Variants in TTC28 observed in about 807,000 individuals in gnomAD.
The protein encoded by TTC28 is tetratricopeptide repeat protein 28.
A neutral mutation model predicts 198.0 loss-of-function variants in TTC28; 61 were observed. The observed-to-expected ratio is 0.31, with a 90% CI of 0.25 to 0.38. The LOEUF is 0.38. TTC28 is among the 10% of genes least tolerant of loss of function. TTC28 has a pLI of 1.00. For synonymous variants in TTC28, 1,171 were observed against 1,297.8 expected (o/e 0.90, Z 2.10); for missense variants, 2,678 against 3,164.0 (o/e 0.85, Z 3.69).
intron 2 of TTC28, among the ~76,000 whole-genome samples, chr22:28,396,159 G>A (rs907792861): frequency 2.0e-5 from 3 of 152,174 alleles, no homozygotes; most frequent in Admixed American, 2.0e-4. Flanking sequence ...TGACTTTGGG[G>A]AAATAGAATT....
intron 5 of TTC28, among the ~76,000 whole-genome samples, chr22:28,288,368 C>T (rs1362235948): frequency 1.3e-5 from 2 of 152,134 alleles, no homozygotes; most frequent in Non-Finnish European, 2.9e-5. Flanking sequence ...GCAAAAACTT[C>T]CTAAATCTAA....
At chr22:28,551,250 A>C (rs1397494250) in intron 2 of TTC28, among the ~76,000 whole-genome samples, 1 of 151,894 alleles carries the variant, frequency 6.6e-6, no homozygotes, top group East Asian at 1.9e-4. Flanking sequence ...AATTGTAAAC[A>C]AAAAAAAGTC....
intron 2 of TTC28, among the ~76,000 whole-genome samples, chr22:28,609,263 T>C (rs1351661292): frequency 6.6e-6 from 1 of 152,156 alleles, no homozygotes; most frequent in South Asian, 2.1e-4. Context: ...AAAAAATACA[T>C]AATAAAAAAT....
intron 1 of TTC28, among the ~76,000 whole-genome samples, chr22:28,660,806 G>A (rs2051730810): frequency 6.7e-6 from 1 of 149,884 alleles, no homozygotes; most frequent in Non-Finnish European, 1.5e-5. Context: ...TTACAGGCAT[G>A]AGCCACCGCG....
intron 16 of TTC28, chr22:27,997,522 C>G (rs550226078): frequency 5.3e-5 from 8 of 152,346 alleles, no homozygotes; most frequent in African/African-American, 1.9e-4. Flanking sequence ...ATGACACCAG[C>G]AATATCAGGA....
At chr22:28,532,930 G>C (rs1468916049) in intron 2 of TTC28, among the ~76,000 whole-genome samples, 2 of 152,120 alleles carry the variant, frequency 1.3e-5, no homozygotes, top group Admixed American at 1.3e-4. Context: ...AGCTATTTAT[G>C]ACAACCCACA....
At position 27,983,089 on chromosome 22, in the gene TTC28, G is replaced by A. The variant is rs1472753967; in HGVS notation, c.6578C>T (p.Pro2193Leu). The A allele has an allele frequency of 1.3e-6, 2 of 1,551,634 alleles. No individual in the cohort carries two copies. The highest frequency in any genetic ancestry group is 1.7e-6 in the Non-Finnish European group (2 of 1,147,026). Reference protein sequence around the residue: ...SGGQVSKSNNPEDGVQAPSST... With the variant: ...SGGQVSKSNNLEDGVQAPSST... ...GCTGGGCGCCTGAACGCCGTCTTCA[G>A]GGTTATTACTCTTGCTCACCTGGCC... Residue 2193 changes from proline (P) to leucine (L), a missense_variant, in exon 23 of 23, where the codon CCT becomes CTT. This residue lies in a region of TTC28 where 622 missense variants were observed against 656.0 expected (regional missense o/e 0.95). Coordinates refer to ENST00000397906, the MANE Select transcript of TTC28 (RefSeq NM_001145418.2).
chr22:28,651,910 G>C (rs2051570241), intron 1 of TTC28, among the ~76,000 whole-genome samples: 1 of 151,938 alleles, frequency 6.6e-6, no homozygotes, highest in Admixed American at 6.6e-5. Context: ...CTGGGTCTTG[G>C]CTCTCTGCAA....
chr22:28,163,438 A>G lies in TTC28; in HGVS notation c.1095T>C (p.Ile365=), dbSNP rs1461289455. The G allele has an allele frequency of 3.9e-6, 6 of 1,551,788 alleles. No individual in the cohort carries two copies. The highest frequency in any genetic ancestry group is 5.2e-6 in the Non-Finnish European group (6 of 1,147,016). ...RELGNMGAVY[I]AMGDFENAVQ... ...CAGCATTCTCAAAGTCACCCATGGC[A>G]ATATACACAGCTCCCATGTTGCCAA... The change falls in exon 6 of 23, where the codon ATT becomes ATC. Residue 365 remains isoleucine (I), a synonymous_variant. Coordinates refer to ENST00000397906, the MANE Select transcript of TTC28 (RefSeq NM_001145418.2).
At chr22:28,016,133 C>T (rs1415566079) in intron 13 of TTC28, among the ~76,000 whole-genome samples, 3 of 152,110 alleles carry the variant, frequency 2.0e-5, no homozygotes, top group Admixed American at 6.5e-5. Context: ...AGCAGAGCAG[C>T]AGGACTTGGA....
chr22:27,989,609 G>A (rs1217605946), intron 21 of TTC28, among the ~76,000 whole-genome samples: 1 of 152,024 alleles, frequency 6.6e-6, no homozygotes, highest in Non-Finnish European at 1.5e-5. Flanking sequence ...ACCATGCCCG[G>A]CTAATTTTTT....
intron 2 of TTC28, among the ~76,000 whole-genome samples, chr22:28,433,833 C>T (rs1418327387): frequency 6.6e-6 from 1 of 152,090 alleles, no homozygotes; most frequent in Non-Finnish European, 1.5e-5. Flanking sequence ...GTCAGATACA[C>T]CAAAGCAAAA....
chr22:28,511,350 C>T (rs577587834), intron 2 of TTC28, among the ~76,000 whole-genome samples: 2 of 152,136 alleles, frequency 1.3e-5, no homozygotes, highest in South Asian at 4.2e-4. Flanking sequence ...CAGAAATAAG[C>T]CTGCACACCT....
At chr22:28,180,167 T>C (rs772885965) in intron 5 of TTC28, among the ~76,000 whole-genome samples, 4 of 152,188 alleles carry the variant, frequency 2.6e-5, no homozygotes, top group Admixed American at 1.3e-4. Context: ...TTAAATGATA[T>C]ATACTCTCTA....
At chr22:28,056,880 T>C (rs1299071154) in intron 12 of TTC28, among the ~76,000 whole-genome samples, 1 of 152,194 alleles carries the variant, frequency 6.6e-6, no homozygotes, top group African/African-American at 2.4e-5. Flanking sequence ...TTCACATAAA[T>C]GGAATCATAT....
intron 3 of TTC28, among the ~76,000 whole-genome samples, chr22:28,298,201 T>TATCC (rs1160189092): frequency 2.6e-5 from 4 of 152,232 alleles, no homozygotes; most frequent in Non-Finnish European, 4.4e-5. Context: ...GTACTGGGAA[T>TATCC]ATCCCCAGGT....
intron 2 of TTC28, among the ~76,000 whole-genome samples, chr22:28,366,461 C>A (rs753394092): frequency 2.0e-5 from 3 of 151,454 alleles, no homozygotes; most frequent in African/African-American, 4.9e-5. Flanking sequence ...TAGATCATAG[C>A]GGTTAGGAAA....
At chr22:28,029,416 C>A (rs1938981802) in intron 13 of TTC28, among the ~76,000 whole-genome samples, 1 of 152,216 alleles carries the variant, frequency 6.6e-6, no homozygotes, top group South Asian at 2.1e-4. Context: ...ACAGTCACTT[C>A]CTGCCTGTGT....
At chr22:28,614,784 A>G (rs2050874474) in intron 2 of TTC28, among the ~76,000 whole-genome samples, 1 of 152,228 alleles carries the variant, frequency 6.6e-6, no homozygotes, top group Non-Finnish European at 1.5e-5. Context: ...ACCTTATACA[A>G]AAATTAACTC....
Sources: allele counts gnomAD v4.1 joint callset (sites outside exome capture counted in the v4.1 genomes callset), GRCh38; gene constraint gnomAD v4.1.1; regional missense constraint gnomAD v4.1.1; transcripts MANE v1.5; gene names NCBI Gene and HGNC (gene_info 2026-07-23, HGNC 2026-07-21).